Variants in TAFA1 observed in about 807,000 individuals in gnomAD.
The protein encoded by TAFA1 is TAFA chemokine like family member 1, also known as chemokine-like protein TAFA-1.
In TAFA1, 4 loss-of-function variants were observed where a neutral mutation model predicts 18.5. The ratio of observed to expected loss-of-function variants is 0.22; its 90% confidence interval spans 0.11 to 0.49. The LOEUF (loss-of-function observed/expected upper bound fraction) is 0.49. Ranked by LOEUF, TAFA1 falls within the 20% of genes least tolerant of loss-of-function variation. The pLI, the probability that TAFA1 is intolerant of heterozygous loss-of-function variation, is 0.98. For missense variants in TAFA1, 147 were observed against 169.0 expected, an observed-to-expected ratio of 0.87 and a Z score of 0.72; for synonymous variants, 56 against 55.2, an observed-to-expected ratio of 1.01 and a Z score of -0.06.
intron 2 of TAFA1, among the ~76,000 whole-genome samples, chr3:68,287,821 CCTT>C (rs2068038434): frequency 6.9e-6 from 1 of 145,784 alleles, no homozygotes; most frequent in African/African-American, 2.5e-5. Flanking sequence ...AATTATACCT[CCTT>C]ATTTGCCTGG....
At chr3:68,318,465 G>A (rs1052024919) in intron 2 of TAFA1, among the ~76,000 whole-genome samples, 5 of 152,212 alleles carry the variant, frequency 3.3e-5, no homozygotes, top group South Asian at 2.1e-4. Flanking sequence ...CTTTAAAGTC[G>A]CCAAGCTTGA....
intron 2 of TAFA1, among the ~76,000 whole-genome samples, chr3:68,079,460 A>G (rs2064869103): frequency 6.6e-6 from 1 of 151,720 alleles, no homozygotes; most frequent in Admixed American, 6.6e-5. Flanking sequence ...AATGCTATAA[A>G]TTTCCCTCTA....
chr3:68,253,464 C>G (rs767066977), intron 2 of TAFA1, among the ~76,000 whole-genome samples: 13 of 152,202 alleles, frequency 8.5e-5, no homozygotes, highest in Non-Finnish European at 1.9e-4. Context: ...ACTGGCCACT[C>G]TGTATAGATA....
chr3:68,012,289 AGCTATAGTTATT>A (rs1365786879), intron 2 of TAFA1, among the ~76,000 whole-genome samples: 1 of 152,224 alleles, frequency 6.6e-6, no homozygotes, highest in Non-Finnish European at 1.5e-5. Flanking sequence ...ATGTATGTTA[AGCTATAGTTATT>A]GCAACAATGG....
rs553947262 is a variant in TAFA1, at chr3:68,045,517, C to G, written c.118+38773C>G. ...TCTGCCTTTACCACAAATTGTGCGG[C>G]CTTGGGAAGCTCCTCCTGTAAGCCT... On this transcript the variant is annotated intron_variant, in intron 2 of 4. Transcript: ENST00000478136. Among the ~76,000 whole-genome samples the G allele has an allele frequency of 7.2e-5, 11 of 152,190 alleles. No homozygotes were observed. In the East Asian group the frequency reaches 1.7e-3, roughly 24 times the overall value.
intron 3 of TAFA1, among the ~76,000 whole-genome samples, chr3:68,464,329 T>A (rs1376069862): frequency 6.6e-6 from 1 of 152,084 alleles, no homozygotes; most frequent in African/African-American, 2.4e-5. Context: ...GAAATTACAA[T>A]GAGGAAAACA....
chr3:68,260,266 G>C (rs1192123920), intron 2 of TAFA1, among the ~76,000 whole-genome samples: 6 of 152,074 alleles, frequency 3.9e-5, no homozygotes, highest in African/African-American at 9.7e-5. Context: ...GTTGAACCAG[G>C]CTTGCATCCC....
At chr3:68,226,413 C>A (rs570791238) in intron 2 of TAFA1, among the ~76,000 whole-genome samples, 1 of 152,190 alleles carries the variant, frequency 6.6e-6, no homozygotes, top group South Asian at 2.1e-4. Context: ...TATATGCATA[C>A]GTGAATTATC....
chr3:68,143,612 C>T (rs1341268494), intron 2 of TAFA1, among the ~76,000 whole-genome samples: 1 of 152,076 alleles, frequency 6.6e-6, no homozygotes, highest in Admixed American at 6.6e-5. Context: ...TTATGACATC[C>T]CCAGTTATGA....
At chr3:68,179,423 C>T (rs531383302) in intron 2 of TAFA1, among the ~76,000 whole-genome samples, 2 of 152,294 alleles carry the variant, frequency 1.3e-5, no homozygotes, top group African/African-American at 4.8e-5. Context: ...AAATTTGGAT[C>T]ATGTTGTTCC....
At chr3:68,183,446 G>C (rs1281130740) in intron 2 of TAFA1, among the ~76,000 whole-genome samples, 1 of 152,048 alleles carries the variant, frequency 6.6e-6, no homozygotes, top group Non-Finnish European at 1.5e-5. Context: ...ATAAAAGTGA[G>C]GTGCATATTA....
At position 68,296,266 on chromosome 3, in the gene TAFA1, AAACATGTG is replaced by A. The variant is rs529522581; in HGVS notation, c.119-121012_119-121005del. 4.2e-4 allele frequency among the ~76,000 whole-genome samples: 64 copies of A among 152,258 alleles called. No homozygotes were observed. The South Asian group carries it at 0.013, about 31-fold the overall frequency. Reference sequence around the variant, plus strand: ...TGTTGTTTTTATCTACAGCCTTTTAAAACATGTGACTTGTCTGTCCACATGGTATCCTG... The same window carrying A: ...TGTTGTTTTTATCTACAGCCTTTTAAACTTGTCTGTCCACATGGTATCCTG... On this transcript the variant is annotated intron_variant, in intron 2 of 4. Coordinates refer to ENST00000478136, the MANE Select transcript of TAFA1 (RefSeq NM_213609.4).
chr3:68,222,391 T>C (rs1222347198), intron 2 of TAFA1, among the ~76,000 whole-genome samples: 2 of 152,246 alleles, frequency 1.3e-5, no homozygotes, highest in East Asian at 3.8e-4. Context: ...TTTTACCTGC[T>C]TGTCTCTGAC....
intron 3 of TAFA1, among the ~76,000 whole-genome samples, chr3:68,512,090 C>G (rs751365739): frequency 8.6e-5 from 13 of 151,976 alleles, no homozygotes; most frequent in Non-Finnish European, 1.5e-4. Context: ...GATCAAGGTC[C>G]CTTAAACCTA....
At chr3:68,389,897 C>T (rs1166593647) in intron 2 of TAFA1, among the ~76,000 whole-genome samples, 1 of 152,142 alleles carries the variant, frequency 6.6e-6, no homozygotes, top group Non-Finnish European at 1.5e-5. Context: ...GCCTACACCA[C>T]CAGGGCCCTG....
At chr3:68,085,397 T>G (rs1436747522) in intron 2 of TAFA1, among the ~76,000 whole-genome samples, 1 of 152,238 alleles carries the variant, frequency 6.6e-6, no homozygotes, top group East Asian at 1.9e-4. Flanking sequence ...TTACATGTTT[T>G]GAGGAATAAC....
intron 2 of TAFA1, among the ~76,000 whole-genome samples, chr3:68,391,830 A>G (rs541052954): frequency 3.9e-4 from 60 of 152,340 alleles, no homozygotes; most frequent in South Asian, 3.3e-3. Context: ...TGTCACCACC[A>G]GGCCTGCCAT....
At chr3:68,478,155 C>T (rs1482798077) in intron 3 of TAFA1, among the ~76,000 whole-genome samples, 1 of 152,206 alleles carries the variant, frequency 6.6e-6, no homozygotes, top group Non-Finnish European at 1.5e-5. Flanking sequence ...GTAACAGCAG[C>T]AGCATTTACT....
intron 2 of TAFA1, among the ~76,000 whole-genome samples, chr3:68,278,824 C>A (rs894563302): frequency 2.0e-5 from 3 of 152,094 alleles, no homozygotes; most frequent in African/African-American, 7.2e-5. Context: ...AACTAAGATT[C>A]CATTCTACAT....
Sources: allele counts gnomAD v4.1 joint callset (sites outside exome capture counted in the v4.1 genomes callset), GRCh38; gene constraint gnomAD v4.1.1; transcripts MANE v1.5; gene names NCBI Gene and HGNC (gene_info 2026-07-23, HGNC 2026-07-21).